The following MTOR variants were observed in gnomAD, a reference collection of about 807,000 sequenced individuals.
MTOR encodes serine/threonine-protein kinase mTOR.
A neutral mutation model predicts 319.8 loss-of-function variants in MTOR; 70 were observed. The ratio of observed to expected loss-of-function variants is 0.22; its 90% CI spans 0.18 to 0.27. MTOR has a LOEUF of 0.27. Ranked by LOEUF, MTOR falls within the 10% of genes least tolerant of loss-of-function variation. MTOR has a pLI of 1.00. For missense variants in MTOR, 1,890 were observed against 3,274.4 expected (o/e 0.58, Z 10.32); for synonymous variants, 1,183 against 1,211.4 (o/e 0.98, Z 0.49).
intron 28 of MTOR, chr1:11,194,405 GAC>G: frequency 6.5e-7 from 1 of 1,547,110 alleles, no homozygotes; most frequent in Non-Finnish European, 8.9e-7. Context: ...GGGGTATAGA[GAC>G]AGCATGAAAT....
At chr1:11,221,400 T>C (rs1165416513) in intron 19 of MTOR, among the ~76,000 whole-genome samples, 1 of 152,076 alleles carries the variant, frequency 6.6e-6, no homozygotes, top group African/African-American at 2.4e-5. Context: ...AAGAAGAATA[T>C]CAACTGAAAG....
chr1:11,139,620 A>G lies in MTOR; in HGVS notation c.4911T>C (p.Leu1637=), dbSNP rs1643592815. 6.2e-7 allele frequency: 1 copy of G among 1,614,146 alleles called. No homozygotes were observed. The highest frequency in any genetic ancestry group is 1.1e-5 in the South Asian group (1 of 91,072). The change falls in exon 35 of 58, where the codon CTT becomes CTC. Residue 1637 remains leucine (L), a synonymous_variant. Coordinates refer to ENST00000361445, the MANE Select transcript of MTOR (RefSeq NM_004958.4). Reference sequence around the variant, plus strand: ...GGCTGACCACAAGGGACCGCACCATAAGGATTTTCTGCCAGTCCTCTACGA... The same window carrying G: ...GGCTGACCACAAGGGACCGCACCATGAGGATTTTCTGCCAGTCCTCTACGA... ...QRIVEDWQKI[L]MVRSLVVSPH...
In MTOR at chr1:11,121,885, C is replaced by G. The variant is rs1642545454; in HGVS notation, c.6810+94G>C. 3 of 1,480,976 alleles carry G rather than the reference C, an allele frequency of 2.0e-6. No individual in the cohort carries two copies. In the South Asian group the frequency reaches 3.9e-5, roughly 19 times the overall value. 91.7% of individuals were successfully genotyped at this position (1,480,976 alleles called of 1,614,324 possible). ...AGCTGATTCTCTCAAAGAGATTTTT[C>G]AGTGACAGACATACAGAGAGGAATG... On this transcript the variant is annotated intron_variant, in intron 48 of 57. Transcript: ENST00000361445. The surrounding 1 kb of genome is among the most constrained non-coding windows in gnomAD (Gnocchi z 4.9).
Position 11,155,477 on chromosome 1 carries a change from G to C in MTOR, c.4469+1675C>G, listed in dbSNP as rs1421646082. On this transcript the variant is annotated intron_variant, in intron 30 of 57. Coordinates refer to ENST00000361445, the MANE Select transcript of MTOR (RefSeq NM_004958.4). ...CCCTGAAGCAGGTCATAACATCTAGGAAAAATATTTTGACCTTCCCCTGAA... is the reference window on the plus strand; with the variant it reads ...CCCTGAAGCAGGTCATAACATCTAGCAAAAATATTTTGACCTTCCCCTGAA... 2.0e-5 allele frequency among the ~76,000 whole-genome samples: 3 copies of C among 152,128 alleles called. No homozygotes were observed. In the East Asian group the frequency reaches 5.8e-4, roughly 29 times the overall value.
chr1:11,230,992 G>T lies in MTOR; in HGVS notation c.2712C>A (p.Gly904=). The T allele has an allele frequency of 6.2e-7, 1 of 1,614,134 alleles. No individual in the cohort carries two copies. Among genetic ancestry groups the T allele is most frequent in the South Asian group, 1.1e-5 (1 of 91,084 alleles). ...LDPYKHKVNI[G]MIDQSRDASA... is the part of the protein sequence containing the mutation. Reference sequence around the variant, plus strand: ...AGGCATCCCGGGACTGGTCTATCATGCCAATGTTCACTTTGTGCTTGTAAG... The same window carrying T: ...AGGCATCCCGGGACTGGTCTATCATTCCAATGTTCACTTTGTGCTTGTAAG... The change falls in exon 18 of 58, where the codon GGC becomes GGA. Residue 904 remains glycine (G), a synonymous_variant. Coordinates refer to ENST00000361445, the MANE Select transcript of MTOR (RefSeq NM_004958.4).
chr1:11,243,696 A>G (rs1648406172), intron 8 of MTOR, among the ~76,000 whole-genome samples: 1 of 152,058 alleles, frequency 6.6e-6, no homozygotes, highest in Non-Finnish European at 1.5e-5. Flanking sequence ...TCAAAAAAAA[A>G]AAAAAACCCA....
At position 11,112,866 on chromosome 1, in the gene MTOR, G is replaced by A. The variant is rs2100304788; in HGVS notation, c.7352C>T (p.Ala2451Val). 6.2e-7 allele frequency: 1 copy of A among 1,614,222 alleles called. No individual in the cohort carries two copies. Among genetic ancestry groups the A allele is most frequent in the South Asian group, 1.1e-5 (1 of 91,076 alleles). Reference sequence around the variant, plus strand: ...GATGCACCTACCGACTGACTGGCCAGCAGAGTAGGAATCCGTCCTCGTTCG... The same window carrying A: ...GATGCACCTACCGACTGACTGGCCAACAGAGTAGGAATCCGTCCTCGTTCG... Reference protein sequence around the residue: ...RSRTRTDSYSAGQSVEILDGV... With the variant: ...RSRTRTDSYSVGQSVEILDGV... Residue 2451 changes from alanine (A) to valine (V), a missense_variant, in exon 54 of 58, where the codon GCT becomes GTT. By Grantham distance (64) the Ala-to-Val change is moderately conservative. Around this residue, in one of 15 missense-constraint regions of MTOR, gnomAD observed 49 missense variants for 67.6 expected, o/e 0.72. Coordinates refer to ENST00000361445, the MANE Select transcript of MTOR (RefSeq NM_004958.4).
rs2100898767 is a variant in MTOR, at chr1:11,237,972, C to T, written c.2079G>A (p.Leu693=). Residue 693 remains leucine (L), a synonymous_variant, in exon 13 of 58, where the codon TTG becomes TTA. Coordinates refer to ENST00000361445, the MANE Select transcript of MTOR (RefSeq NM_004958.4). Reference sequence around the variant, plus strand: ...CATTCAGAGCCACAAACAAGGCCTGCAAGTTCTCCGCCTGGGCCAGGTGTG... The same window carrying T: ...CATTCAGAGCCACAAACAAGGCCTGTAAGTTCTCCGCCTGGGCCAGGTGTG... ...FDAHLAQAEN[L]QALFVALNDQ... 2 of 1,614,234 alleles carry T rather than the reference C, an allele frequency of 1.2e-6. No individual in the cohort carries two copies. The highest frequency in any genetic ancestry group is 1.1e-5 in the South Asian group (1 of 91,086).
At chr1:11,201,333 T>C (rs1452650789) in intron 26 of MTOR, among the ~76,000 whole-genome samples, 1 of 152,128 alleles carries the variant, frequency 6.6e-6, no homozygotes, top group African/African-American at 2.4e-5. Context: ...ATACATCAGC[T>C]GAGTACATGA....
chr1:11,234,328 C>G (rs1460879339), intron 13 of MTOR, 63 bp from the exon 14 acceptor site: 1 of 1,524,290 alleles, frequency 6.6e-7, no homozygotes, highest in East Asian at 2.3e-5. Flanking sequence ...GAGACTGTGT[C>G]CAACAGAAAA....
intron 11 of MTOR, among the ~76,000 whole-genome samples, chr1:11,239,322 TG>T (rs1272605295): frequency 6.6e-6 from 1 of 152,210 alleles, no homozygotes; most frequent in African/African-American, 2.4e-5. Context: ...ACAAAGAGTC[TG>T]TGTAGGCTGG....
chr1:11,245,033 G>A (rs1016807581), intron 8 of MTOR, among the ~76,000 whole-genome samples: 1 of 152,138 alleles, frequency 6.6e-6, no homozygotes, highest in Non-Finnish European at 1.5e-5. Flanking sequence ...GCAATAAACA[G>A]GCCATTCCAT....
intron 28 of MTOR, among the ~76,000 whole-genome samples, chr1:11,176,472 C>T: frequency 6.6e-6 from 1 of 152,240 alleles, no homozygotes; most frequent in East Asian, 1.9e-4. Context: ...TATGAGAACA[C>T]ACCCACTGGC....
At chr1:11,131,894 T>C (rs535439800) in intron 38 of MTOR, 1 of 152,346 alleles carries the variant, frequency 6.6e-6, no homozygotes, top group Non-Finnish European at 1.5e-5. Flanking sequence ...GGAGAATAGA[T>C]TGATCACAAC....
intron 47 of MTOR, among the ~76,000 whole-genome samples, chr1:11,122,423 A>G (rs1322583559): frequency 6.7e-6 from 1 of 150,270 alleles, no homozygotes; most frequent in African/African-American, 2.5e-5. Flanking sequence ...GGATGGTCTC[A>G]ATCTCTTGAC....
intron 29 of MTOR, among the ~76,000 whole-genome samples, chr1:11,161,503 C>A (rs1411426531): frequency 1.3e-5 from 2 of 152,196 alleles, no homozygotes; most frequent in Non-Finnish European, 2.9e-5. Context: ...GGGTCTCTGA[C>A]CCCCCAGTAG....
chr1:11,154,234 A>G (rs989935368), intron 30 of MTOR, among the ~76,000 whole-genome samples: 2 of 151,768 alleles, frequency 1.3e-5, no homozygotes, highest in Non-Finnish European at 1.5e-5. Flanking sequence ...GCGGATTTTA[A>G]AAGACATGCT....
intron 6 of MTOR, among the ~76,000 whole-genome samples, chr1:11,251,357 A>G (rs1380490223): frequency 1.3e-5 from 2 of 152,088 alleles, no homozygotes; most frequent in Admixed American, 6.6e-5. Context: ...AACCTCCTTC[A>G]TGGCTGTGCT....
chr1:11,189,914 T>G (rs761057363), intron 28 of MTOR: 3 of 1,613,790 alleles, frequency 1.9e-6, no homozygotes, highest in Non-Finnish European at 1.7e-6. Flanking sequence ...ATTGACATCA[T>G]GCAGCTGCAG....
Sources: gnomAD v4.1 joint callset for allele counts (sites outside exome capture counted in the v4.1 genomes callset) on GRCh38, gnomAD v4.1.1 for gene constraint, gnomAD v4.1.1 regional missense constraint, Gnocchi (gnomAD v3.1) non-coding constraint, MANE v1.5 for transcripts, NCBI Gene and HGNC (gene_info 2026-07-23, HGNC 2026-07-21) for gene names.